The following SGCD variants were observed in gnomAD, a reference collection of about 807,000 sequenced individuals.
SGCD encodes delta-sarcoglycan.
SGCD carries 18 observed loss-of-function variants against 36.6 expected under a neutral mutation model. The observed-to-expected ratio is 0.49, with a 90% CI of 0.34 to 0.73. The LOEUF is 0.73. Ranked by LOEUF, SGCD falls within the 30% of genes least tolerant of loss-of-function variation. The probability of loss-of-function intolerance (pLI) is 0.01; values close to 1 mark genes in which losing one functional copy is unlikely to be tolerated. For missense variants in SGCD, 387 were observed against 346.7 expected, an observed-to-expected ratio of 1.12 and a Z score of -0.92; for synonymous variants, 133 against 130.6, an observed-to-expected ratio of 1.02 and a Z score of -0.12.
the SGCD span, among the ~76,000 whole-genome samples, chr5:155,829,981 T>C: frequency 6.6e-6 from 1 of 152,186 alleles, no homozygotes; most frequent in Non-Finnish European, 1.5e-5. Flanking sequence ...ATAACCAAAG[T>C]AACAATATGT....
At chr5:156,008,024 T>A (rs1222060229) in intron 1 of SGCD, among the ~76,000 whole-genome samples, 1 of 152,208 alleles carries the variant, frequency 6.6e-6, no homozygotes, top group Non-Finnish European at 1.5e-5. Flanking sequence ...GATTCTTTTT[T>A]TTCTCCATAG....
intron 3 of SGCD, among the ~76,000 whole-genome samples, chr5:156,257,256 C>T (rs1003568933): frequency 5.2e-4 from 79 of 151,498 alleles, no homozygotes; most frequent in Non-Finnish European, 7.7e-4. Context: ...GGGCGGATCA[C>T]GAGGTCAAGA....
At chr5:155,897,148 A>G (rs1461988921) in intron 1 of SGCD, among the ~76,000 whole-genome samples, 1 of 152,224 alleles carries the variant, frequency 6.6e-6, no homozygotes, top group Non-Finnish European at 1.5e-5. Context: ...TGGACGGTAC[A>G]GCCTGCTACC....
Position 156,608,938 on chromosome 5 carries a change from C to T in SGCD, c.502+13887C>T, listed in dbSNP as rs1186000905. Among the ~76,000 whole-genome samples the T allele has an allele frequency of 2.0e-5, 3 of 151,982 alleles. No individual in the cohort carries two copies. In the East Asian group the frequency reaches 5.8e-4, roughly 29 times the overall value. ...CCCTTTATTTTGAGCCTATGTGTGT[C>T]TCTGCACATGAGATGGGTTTCCTGA... On this transcript the variant is annotated intron_variant, in intron 6 of 8. Coordinates refer to ENST00000337851, the MANE Select transcript of SGCD (RefSeq NM_000337.6).
the SGCD span, among the ~76,000 whole-genome samples, chr5:155,780,381 A>G: frequency 6.6e-6 from 1 of 152,212 alleles, no homozygotes; most frequent in African/African-American, 2.4e-5. Context: ...CAATTAAAGT[A>G]GTGACATAGA....
intron 3 of SGCD, among the ~76,000 whole-genome samples, chr5:156,268,787 T>C (rs922353508): frequency 1.3e-5 from 2 of 151,960 alleles, no homozygotes; most frequent in African/African-American, 4.8e-5. Context: ...AGAGATAGGG[T>C]TTCTTCATAT....
At chr5:155,977,040 G>A (rs761954515) in intron 1 of SGCD, among the ~76,000 whole-genome samples, 4 of 152,138 alleles carry the variant, frequency 2.6e-5, no homozygotes, top group Admixed American at 6.5e-5. Context: ...AAATTCAGGC[G>A]TGATCTTGCT....
the SGCD span, among the ~76,000 whole-genome samples, chr5:155,864,842 A>G: frequency 1.3e-5 from 2 of 152,226 alleles, no homozygotes; most frequent in Non-Finnish European, 2.9e-5. Context: ...TTATCTTAGG[A>G]AAAATAGGAA....
chr5:156,458,992 C>A (rs979312339), intron 3 of SGCD, among the ~76,000 whole-genome samples: 4 of 152,050 alleles, frequency 2.6e-5, no homozygotes, highest in Admixed American at 2.6e-4. Context: ...AAATAAAGCC[C>A]TTTCAAAGAA....
In SGCD at chr5:156,229,277, C is replaced by CATATATATATATAT. The variant is rs570200528; in HGVS notation, c.-43-100247_-43-100234dup. 2.0e-3 allele frequency among the ~76,000 whole-genome samples: 111 copies of CATATATATATATAT among 56,460 alleles called. 10 individuals carry two copies. Among genetic ancestry groups the CATATATATATATAT allele is most frequent in the East Asian group, 6.7e-3 (22 of 3,288 alleles). The allele number at this position is 56,460 out of a possible 152,430, so 37.0% of individuals were successfully genotyped here. On this transcript the variant is annotated intron_variant, in intron 3 of 9. Coordinates refer to the SGCD transcript ENST00000517913. ...ACATACATACATATATATATACATA[C>CATATATATATATAT]ATATATATATATATATATATATAAA...
chr5:156,020,856 G>A (rs184633251), intron 1 of SGCD, among the ~76,000 whole-genome samples: 17 of 152,292 alleles, frequency 1.1e-4, no homozygotes, highest in African/African-American at 4.1e-4. Context: ...AGTTTATGAG[G>A]CTGCATTTGA....
chr5:156,643,454 T>C lies in SGCD; in HGVS notation c.503-4010T>C, dbSNP rs534424506. On this transcript the variant is annotated intron_variant, in intron 6 of 8. Coordinates refer to ENST00000337851, the MANE Select transcript of SGCD (RefSeq NM_000337.6). The stretch of plus-strand genomic sequence containing the variant: ...GCTTGATACAGATTTATTAAGTTAA[T>C]TGAACTTTGGGTTCACCAACATACT... Among the ~76,000 whole-genome samples, 17 of 152,212 alleles carry C rather than the reference T, an allele frequency of 1.1e-4. 1 individual carries two copies. The East Asian group carries it at 3.1e-3, about 28-fold the overall frequency.
At chr5:156,385,211 C>A (rs1353404924) in intron 3 of SGCD, among the ~76,000 whole-genome samples, 1 of 152,192 alleles carries the variant, frequency 6.6e-6, no homozygotes, top group Non-Finnish European at 1.5e-5. Flanking sequence ...TCACAAACCA[C>A]CTTTCTTTTC....
intron 3 of SGCD, among the ~76,000 whole-genome samples, chr5:156,173,844 A>G (rs1763399269): frequency 1.3e-5 from 2 of 152,034 alleles, no homozygotes; most frequent in South Asian, 2.1e-4. Flanking sequence ...CACTGTATCT[A>G]TAGTTTTTTT....
intron 6 of SGCD, among the ~76,000 whole-genome samples, chr5:156,609,343 TCTTTA>T (rs1385572189): frequency 6.6e-6 from 1 of 152,336 alleles, no homozygotes; most frequent in Middle Eastern, 3.4e-3. Flanking sequence ...GGTTGAAAAT[TCTTTA>T]CTTTAAGAAT....
chr5:155,749,820 T>C, the SGCD span, among the ~76,000 whole-genome samples: 3 of 152,236 alleles, frequency 2.0e-5, no homozygotes, highest in Admixed American at 6.5e-5. Flanking sequence ...TTCATTCATT[T>C]ATCAAGAAAT....
the SGCD span, among the ~76,000 whole-genome samples, chr5:155,773,049 T>A: frequency 2.0e-5 from 3 of 152,146 alleles, no homozygotes; most frequent in African/African-American, 7.2e-5. Flanking sequence ...GTCTCCCATT[T>A]GGGGAGTTTT....
intron 4 of SGCD, among the ~76,000 whole-genome samples, chr5:156,525,207 C>T (rs1346495215): frequency 6.6e-6 from 1 of 152,052 alleles, no homozygotes; most frequent in Non-Finnish European, 1.5e-5. Context: ...AAAAGGTCCT[C>T]TTTTCTCTAC....
chr5:155,761,678 CT>C, the SGCD span, among the ~76,000 whole-genome samples: 1 of 149,600 alleles, frequency 6.7e-6, no homozygotes, highest in African/African-American at 2.5e-5. Flanking sequence ...CCATCATCAT[CT>C]CCATCATCCT....
Sources: gnomAD v4.1 joint callset for allele counts (sites outside exome capture counted in the v4.1 genomes callset) on GRCh38, gnomAD v4.1.1 for gene constraint, MANE v1.5 for transcripts, NCBI Gene and HGNC (gene_info 2026-07-23, HGNC 2026-07-21) for gene names.